Variants in DOCK3 observed in about 807,000 individuals in gnomAD.
DOCK3 encodes the protein dedicator of cytokinesis protein 3.
DOCK3 carries 60 observed loss-of-function variants against 265.6 expected under a neutral mutation model. The observed-to-expected ratio is 0.23, with a 90% CI of 0.18 to 0.28. DOCK3 has a LOEUF of 0.28. DOCK3 is among the 10% of genes least tolerant of loss of function. The pLI is 1.00. For missense variants in DOCK3, 1,981 were observed against 2,594.3 expected, an observed-to-expected ratio of 0.76 and a Z score of 5.14; for synonymous variants, 881 against 938.0, an observed-to-expected ratio of 0.94 and a Z score of 1.11.
chr3:51,213,139 A>G (rs1193949869), intron 13 of DOCK3, among the ~76,000 whole-genome samples: 1 of 151,840 alleles, frequency 6.6e-6, no homozygotes, highest in Admixed American at 6.6e-5. Context: ...CATTCCAGCT[A>G]CTACTCTTCT....
chr3:51,176,766 C>A (rs2086981248), intron 12 of DOCK3, among the ~76,000 whole-genome samples: 1 of 152,086 alleles, frequency 6.6e-6, no homozygotes, highest in African/African-American at 2.4e-5. Context: ...AAGAGAACCC[C>A]TATGAACTAG....
In DOCK3 at chr3:51,312,477, T is replaced by G; in HGVS notation, c.3095T>G (p.Val1032Gly). Residue 1032 changes from valine (V) to glycine (G), a missense_variant and splice_region_variant, in exon 30 of 53, where the codon GTG becomes GGG. By Grantham distance (109) the Val-to-Gly change is moderately radical. This residue lies in a region of DOCK3 where 1,357 missense variants were observed against 1,866.8 expected (regional missense o/e 0.73). Transcript: ENST00000266037. ...TTTTCTCTTTCTCTGTCTGTCTAGG[T>G]GTGGAATTCTTACTTTAGCCTGGCA... ...NFTETDFDFK[V>G]WNSYFSLAVL... is the part of the protein sequence containing the mutation. 1.2e-6 allele frequency: 2 copies of G among 1,613,046 alleles called. No homozygotes were observed. The highest frequency in any genetic ancestry group is 1.7e-5 in the Admixed American group (1 of 59,624).
intron 13 of DOCK3, among the ~76,000 whole-genome samples, chr3:51,210,271 T>C (rs1003085546): frequency 6.6e-6 from 1 of 152,222 alleles, no homozygotes; most frequent in Non-Finnish European, 1.5e-5. Context: ...ATATTCTGTG[T>C]CTGATTTTTG....
At chr3:51,019,213 A>G (rs747243507) in intron 5 of DOCK3, among the ~76,000 whole-genome samples, 2 of 152,020 alleles carry the variant, frequency 1.3e-5, no homozygotes, top group Middle Eastern at 6.8e-3. Context: ...TTGCAAATTC[A>G]TGACTGGATT....
Position 50,991,523 on chromosome 3 carries a change from C to T in DOCK3, c.315+57446C>T, listed in dbSNP as rs78680891. ...TTATATCATCATAAAGGGTTCAATTCGACAAGAAGACTTAATTATCTTAAA... is the reference window on the plus strand; with the variant it reads ...TTATATCATCATAAAGGGTTCAATTTGACAAGAAGACTTAATTATCTTAAA... On this transcript the variant is annotated intron_variant, in intron 5 of 52. Transcript: ENST00000266037. Among the ~76,000 whole-genome samples the T allele has an allele frequency of 2.6e-3, 396 of 152,232 alleles. 8 individuals are homozygous for T. The East Asian group carries it at 0.067, about 26-fold the overall frequency.
Position 50,966,502 on chromosome 3 carries a change from CTT to C in DOCK3, c.315+32439_315+32440del, listed in dbSNP as rs531569343. ...TCTCTTGTTTTTTTTTTTTTTCTTC[CTT>C]TTTTTTTTTTTTTGAAAATAGCCAT... On this transcript the variant is annotated intron_variant, in intron 5 of 52. Coordinates refer to ENST00000266037, the MANE Select transcript of DOCK3 (RefSeq NM_004947.5). Among the ~76,000 whole-genome samples, 960 of 114,818 alleles carry C rather than the reference CTT, an allele frequency of 8.4e-3. 2 individuals are homozygous for C. Among genetic ancestry groups the C allele is most frequent in the African/African-American group, 0.011 (343 of 31,152 alleles). 75.3% of individuals were successfully genotyped at this position (114,818 alleles called of 152,430 possible).
chr3:51,229,457 A>C, intron 18 of DOCK3, 55 bp from the exon 19 acceptor site: 4 of 1,383,056 alleles, frequency 2.9e-6, no homozygotes, highest in Non-Finnish European at 3.9e-6. Context: ...TCTAAAAAAA[A>C]AAAAAAGAAT....
intron 5 of DOCK3, among the ~76,000 whole-genome samples, chr3:50,962,420 G>A (rs779616874): frequency 2.6e-5 from 4 of 152,118 alleles, no homozygotes; most frequent in Non-Finnish European, 5.9e-5. Context: ...GATCTTGTGA[G>A]GTACTGTATC....
chr3:50,984,231 A>G (rs745990344), intron 5 of DOCK3, among the ~76,000 whole-genome samples: 2 of 152,212 alleles, frequency 1.3e-5, no homozygotes, highest in Non-Finnish European at 2.9e-5. Context: ...ACTGGCCACA[A>G]AGGTTTCCAG....
chr3:50,983,965 T>C (rs1387224920), intron 5 of DOCK3, among the ~76,000 whole-genome samples: 5 of 152,144 alleles, frequency 3.3e-5, no homozygotes, highest in Non-Finnish European at 7.4e-5. Context: ...GTGCCAGCTT[T>C]GGAAGCTGCT....
intron 5 of DOCK3, among the ~76,000 whole-genome samples, chr3:51,035,521 T>TA (rs2080232198): frequency 6.6e-6 from 1 of 152,222 alleles, no homozygotes; most frequent in African/African-American, 2.4e-5. Context: ...TTAACTCTTT[T>TA]AAAGTATTTG....
intron 6 of DOCK3, 50 bp downstream of exon 6, chr3:51,064,646 C>G (rs902526952): frequency 1.3e-6 from 2 of 1,599,378 alleles, no homozygotes; most frequent in African/African-American, 2.7e-5. Context: ...TATGATAACT[C>G]AGTCTTCAGG....
At chr3:50,769,802 ACT>A (rs1343016554) in intron 1 of DOCK3, among the ~76,000 whole-genome samples, 1 of 113,854 alleles carries the variant, frequency 8.8e-6, no homozygotes, top group Non-Finnish European at 1.8e-5. Flanking sequence ...ATAGAGCAAG[ACT>A]CTGTCTCAAA....
At chr3:51,065,780 A>G (rs1320818671) in intron 6 of DOCK3, among the ~76,000 whole-genome samples, 2 of 152,188 alleles carry the variant, frequency 1.3e-5, no homozygotes, top group Admixed American at 1.3e-4. Context: ...CCAGTCACCT[A>G]CCCATGTACA....
intron 5 of DOCK3, among the ~76,000 whole-genome samples, chr3:51,047,269 A>AT (rs1553744407): frequency 1.6e-5 from 2 of 124,528 alleles, no homozygotes; most frequent in East Asian, 2.5e-4. Flanking sequence ...AGGTTGGGGG[A>AT]GGGGGAGGGA....
intron 2 of DOCK3, among the ~76,000 whole-genome samples, chr3:50,797,922 A>G (rs2042875477): frequency 6.6e-6 from 1 of 152,222 alleles, no homozygotes; most frequent in Non-Finnish European, 1.5e-5. Context: ...CGAATTACAG[A>G]TAGAGAATTT....
chr3:50,714,226 A>G (rs1401451276), intron 1 of DOCK3, among the ~76,000 whole-genome samples: 2 of 152,160 alleles, frequency 1.3e-5, no homozygotes, highest in African/African-American at 2.4e-5. Context: ...AGTGATTTTA[A>G]TAAAAACAAA....
At chr3:51,274,968 A>T (rs1470397976) in intron 24 of DOCK3, 111 bp from the exon 25 acceptor site, 5 of 1,359,356 alleles carry the variant, frequency 3.7e-6, no homozygotes, top group Non-Finnish European at 5.2e-6. Flanking sequence ...CTTTTGCTCT[A>T]GTCTGAACCC....
intron 2 of DOCK3, among the ~76,000 whole-genome samples, chr3:50,807,572 A>G (rs977572539): frequency 6.6e-6 from 1 of 152,230 alleles, no homozygotes; most frequent in Non-Finnish European, 1.5e-5. Context: ...CATCTGTTGA[A>G]CATAGTATTA....
Sources: allele counts gnomAD v4.1 joint callset (sites outside exome capture counted in the v4.1 genomes callset), GRCh38; gene constraint gnomAD v4.1.1; regional missense constraint gnomAD v4.1.1; transcripts MANE v1.5; gene names NCBI Gene and HGNC (gene_info 2026-07-23, HGNC 2026-07-21).